The following EYS variants were observed in gnomAD, a reference collection of about 807,000 sequenced individuals.
The protein encoded by EYS is EGF-like photoreceptor maintenance factor.
Under a neutral mutation model 282.1 loss-of-function variants are expected in EYS, and 250 were observed. The ratio of observed to expected loss-of-function variants is 0.89; its 90% CI spans 0.80 to 0.98. EYS has a LOEUF of 0.98. EYS is among the 50% of genes least tolerant of loss of function. The pLI is 0.00. For missense variants in EYS, 4,016 were observed against 3,709.0 expected (o/e 1.08, Z -2.15); for synonymous variants, 1,355 against 1,282.9 (o/e 1.06, Z -1.20).
At chr6:64,191,431 A>G (rs770449606) in intron 31 of EYS, among the ~76,000 whole-genome samples, 15 of 152,026 alleles carry the variant, frequency 9.9e-5, no homozygotes, top group Non-Finnish European at 1.9e-4. Context: ...CGCTGCACCC[A>G]CTAACTCGTC....
chr6:64,481,921 TCAGCTACTAATAC>T (rs1336830112), intron 26 of EYS, among the ~76,000 whole-genome samples: 2 of 151,672 alleles, frequency 1.3e-5, no homozygotes, highest in African/African-American at 2.4e-5. Flanking sequence ...TCAGGACATT[TCAGCTACTAATAC>T]CAAAAAAGAA....
At position 64,989,394 on chromosome 6, in the gene EYS, A is replaced by AATATATATATATATACATATATAT. The variant is rs1554224807; in HGVS notation, c.2259+8187_2259+8188insATATATATGTATATATATATATAT. Among the ~76,000 whole-genome samples, 10 of 69,724 alleles carry AATATATATATATATACATATATAT rather than the reference A, an allele frequency of 1.4e-4. 1 individual carries two copies. Among genetic ancestry groups the AATATATATATATATACATATATAT allele is most frequent in the African/African-American group, 6.8e-4 (9 of 13,140 alleles). The allele number at this position is 69,724 out of a possible 152,430, so 45.7% of individuals were successfully genotyped here. A position where few individuals can be genotyped will look rare whatever the true frequency, so the allele number is the denominator to read the frequency against. ...AAGAGGCTATTTACTGGCTAGCTGT[A>AATATATATATATATACATATATAT]ATATATATATATATATATATATGAA... On this transcript the variant is annotated intron_variant, in intron 14 of 42. Transcript: ENST00000503581.
rs140413935 is a variant in EYS, at chr6:65,451,892, T to C, written c.862+38702A>G. On this transcript the variant is annotated intron_variant, in intron 5 of 42. Transcript: ENST00000503581. Reference sequence around the variant, plus strand: ...AATGTATTCAATGGTATGTTATTAATGAACAACTGTTATTTGAACAATTCA... The same window carrying C: ...AATGTATTCAATGGTATGTTATTAACGAACAACTGTTATTTGAACAATTCA... Among the ~76,000 whole-genome samples the C allele has an allele frequency of 4.6e-5, 7 of 152,062 alleles. No individual in the cohort carries two copies. In the East Asian group the frequency reaches 1.4e-3, roughly 29 times the overall value.
intron 26 of EYS, among the ~76,000 whole-genome samples, chr6:64,531,207 G>A (rs1289962754): frequency 1.3e-5 from 2 of 152,220 alleles, no homozygotes; most frequent in East Asian, 3.9e-4. Flanking sequence ...TTAGGATACA[G>A]AAAGTCCTAA....
At chr6:64,973,541 A>C (rs1210124163) in intron 14 of EYS, among the ~76,000 whole-genome samples, 9 of 151,964 alleles carry the variant, frequency 5.9e-5, no homozygotes, top group Admixed American at 5.9e-4. Flanking sequence ...AAAGGAAGAG[A>C]TTGTGTATTG....
intron 31 of EYS, among the ~76,000 whole-genome samples, chr6:64,226,463 TA>T (rs1265691531): frequency 6.6e-6 from 1 of 152,086 alleles, no homozygotes; most frequent in African/African-American, 2.4e-5. Flanking sequence ...TGGGCCTGTT[TA>T]AAAATGTTAA....
rs758599195 is a variant in EYS at position 63,806,172 on chromosome 6, G to C, written c.7411+18C>G. 6.5e-7 allele frequency: 1 copy of C among 1,546,372 alleles called. No individual in the cohort carries two copies. The highest frequency in any genetic ancestry group is 8.8e-7 in the Non-Finnish European group (1 of 1,142,684). On this transcript the variant is annotated intron_variant, in intron 37 of 42. Coordinates refer to ENST00000503581, the MANE Select transcript of EYS (RefSeq NM_001142800.2). ...TTAAAGGAGCGAGGCAAGTCCTAGAGGGTTCAGTTAATCTTACCATGGCCT... is the reference window on the plus strand; with the variant it reads ...TTAAAGGAGCGAGGCAAGTCCTAGACGGTTCAGTTAATCTTACCATGGCCT...
intron 31 of EYS, among the ~76,000 whole-genome samples, chr6:64,129,640 T>C (rs1341055954): frequency 6.6e-6 from 1 of 152,172 alleles, no homozygotes. Flanking sequence ...TTTAATTAGA[T>C]CCCATTTGTC....
chr6:64,126,991 A>T (rs57069804), intron 31 of EYS, among the ~76,000 whole-genome samples: 10,284 of 152,160 alleles, frequency 0.068, 1,056 homozygotes, highest in African/African-American at 0.23. Context: ...ATGACTGTGA[A>T]ATGCTCAGCT....
intron 36 of EYS, among the ~76,000 whole-genome samples, chr6:63,830,721 C>T (rs1422290873): frequency 6.6e-6 from 1 of 152,120 alleles, no homozygotes; most frequent in Non-Finnish European, 1.5e-5. Flanking sequence ...GAGAACTCCA[C>T]AAAGATACTC....
intron 5 of EYS, among the ~76,000 whole-genome samples, chr6:65,413,635 C>T (rs1245872885): frequency 2.6e-5 from 4 of 151,712 alleles, no homozygotes; most frequent in African/African-American, 7.3e-5. Flanking sequence ...TGAGGCGCAC[C>T]GATCATGAGG....
In EYS at chr6:65,485,703, C is replaced by T. The variant is rs147052714; in HGVS notation, c.862+4891G>A. Among the ~76,000 whole-genome samples the T allele has an allele frequency of 5.9e-4, 90 of 152,066 alleles. 1 individual carries two copies. Among genetic ancestry groups the T allele is most frequent in the Middle Eastern group, 3.4e-3 (1 of 294 alleles). On this transcript the variant is annotated intron_variant, in intron 5 of 42. Coordinates refer to ENST00000503581, the MANE Select transcript of EYS (RefSeq NM_001142800.2). Reference sequence around the variant, plus strand: ...ACCTATAATTCAAGCTACTTGGGAGCGTAAGACAGGCAACTCACTGGAGCT... The same window carrying T: ...ACCTATAATTCAAGCTACTTGGGAGTGTAAGACAGGCAACTCACTGGAGCT...
At chr6:65,392,558 G>A (rs142135080) in intron 7 of EYS, among the ~76,000 whole-genome samples, 2 of 152,100 alleles carry the variant, frequency 1.3e-5, no homozygotes, top group African/African-American at 2.4e-5. Flanking sequence ...GCAGGCAAAA[G>A]ACACATGAAA....
At chr6:64,752,568 T>C (rs962004990) in intron 22 of EYS, among the ~76,000 whole-genome samples, 1 of 152,088 alleles carries the variant, frequency 6.6e-6, no homozygotes, top group East Asian at 1.9e-4. Context: ...AGTAAAAAGG[T>C]TGGACTATCT....
intron 40 of EYS, among the ~76,000 whole-genome samples, chr6:63,765,852 C>A (rs1162440846): frequency 6.6e-6 from 1 of 151,880 alleles, no homozygotes; most frequent in Non-Finnish European, 1.5e-5. Context: ...TCCATGAGTT[C>A]AACTGTTTTG....
chr6:65,092,054 T>C (rs1774589790), intron 12 of EYS, among the ~76,000 whole-genome samples: 2 of 152,160 alleles, frequency 1.3e-5, no homozygotes, highest in African/African-American at 2.4e-5. Flanking sequence ...ATTATAGCTT[T>C]TAATTTATAT....
intron 34 of EYS, among the ~76,000 whole-genome samples, chr6:63,988,336 G>A (rs1182219054): frequency 5.9e-5 from 9 of 151,710 alleles, no homozygotes; most frequent in Admixed American, 5.3e-4. Context: ...AACTGGTAGA[G>A]AATGGAAGAA....
At chr6:64,643,954 G>A (rs1437869648) in intron 22 of EYS, among the ~76,000 whole-genome samples, 1 of 152,126 alleles carries the variant, frequency 6.6e-6, no homozygotes, top group East Asian at 1.9e-4. Flanking sequence ...CATTCTGTAA[G>A]GCACTGAAGT....
At chr6:64,359,754 A>G (rs1445693104) in intron 29 of EYS, among the ~76,000 whole-genome samples, 1 of 151,594 alleles carries the variant, frequency 6.6e-6, no homozygotes, top group Non-Finnish European at 1.5e-5. Context: ...TCTTTCTCTT[A>G]AGGGCAACAA....
Sources: allele counts gnomAD v4.1 joint callset (sites outside exome capture counted in the v4.1 genomes callset), GRCh38; gene constraint gnomAD v4.1.1; transcripts MANE v1.5; gene names NCBI Gene and HGNC (gene_info 2026-07-23, HGNC 2026-07-21).